Variants in ZFAT observed in about 807,000 individuals in gnomAD.
ZFAT encodes the protein zinc finger and AT-hook domain containing.
ZFAT carries 64 observed loss-of-function variants against 117.7 expected under a neutral mutation model. The ratio of observed to expected loss-of-function variants is 0.54; its 90% confidence interval spans 0.44 to 0.67. ZFAT has a LOEUF of 0.67. Ranked by LOEUF, ZFAT falls within the 30% of genes least tolerant of loss-of-function variation. The pLI is 0.00. For missense variants in ZFAT, 1,433 were observed against 1,584.5 expected (o/e 0.90, Z 1.62); for synonymous variants, 679 against 615.0 (o/e 1.10, Z -1.54).
chr8:134,509,798 A>G, intron 14 of ZFAT, 49 bp from the exon 15 acceptor site: 1 of 1,538,824 alleles, frequency 6.5e-7, no homozygotes. Context: ...CTGGTGCTGA[A>G]GGACATGGAA....
chr8:134,772,961 A>G, the ZFAT span, among the ~76,000 whole-genome samples: 8 of 152,126 alleles, frequency 5.3e-5, no homozygotes, highest in African/African-American at 1.9e-4. Flanking sequence ...GCATAGCAGC[A>G]TACACCTGTA....
At chr8:134,511,846 G>C (rs1240815184) in intron 14 of ZFAT, among the ~76,000 whole-genome samples, 3 of 152,130 alleles carry the variant, frequency 2.0e-5, no homozygotes, top group Non-Finnish European at 4.4e-5. Flanking sequence ...AATCCTGACT[G>C]GGCCTTTTGG....
intron 7 of ZFAT, among the ~76,000 whole-genome samples, chr8:134,596,285 G>A (rs1826925824): frequency 6.6e-6 from 1 of 152,176 alleles, no homozygotes. Context: ...CCACTTTCAG[G>A]TAAAGGGAAA....
intron 1 of ZFAT, chr8:134,674,985 A>C (rs1832724695): frequency 6.6e-6 from 1 of 152,322 alleles, no homozygotes; most frequent in South Asian, 2.1e-4. Context: ...TAGGTAAATC[A>C]ACGAAGATGT....
the ZFAT span, among the ~76,000 whole-genome samples, chr8:134,815,913 T>G: frequency 6.6e-6 from 1 of 152,234 alleles, no homozygotes; most frequent in Non-Finnish European, 1.5e-5. Flanking sequence ...ATTGTTTAGT[T>G]TATTCCTTTC....
chr8:134,789,600 C>G, the ZFAT span, among the ~76,000 whole-genome samples: 14 of 152,168 alleles, frequency 9.2e-5, no homozygotes, highest in African/African-American at 3.1e-4. Context: ...CTACAGCCAC[C>G]ATTTTTTGAT....
chr8:134,595,867 T>C (rs868602299), intron 7 of ZFAT, among the ~76,000 whole-genome samples: 1 of 152,200 alleles, frequency 6.6e-6, no homozygotes, highest in Non-Finnish European at 1.5e-5. Flanking sequence ...ACAGTCCTGA[T>C]GCAACTGGAA....
intron 1 of ZFAT, among the ~76,000 whole-genome samples, chr8:134,675,276 G>C (rs898219323): frequency 6.6e-6 from 1 of 152,132 alleles, no homozygotes; most frequent in Non-Finnish European, 1.5e-5. Flanking sequence ...TGATGGAGCT[G>C]AAAAACACAG....
At chr8:134,637,239 CCT>C (rs1218369876) in intron 3 of ZFAT, among the ~76,000 whole-genome samples, 1 of 152,244 alleles carries the variant, frequency 6.6e-6, no homozygotes, top group Non-Finnish European at 1.5e-5. Flanking sequence ...AAAGCAGTCC[CCT>C]GACCTGCATG....
chr8:134,519,631 G>T (rs532132644), intron 13 of ZFAT, among the ~76,000 whole-genome samples: 4 of 152,248 alleles, frequency 2.6e-5, no homozygotes, highest in African/African-American at 9.6e-5. Context: ...TATGTATAGA[G>T]AGATACTTTT....
intron 10 of ZFAT, among the ~76,000 whole-genome samples, chr8:134,582,800 TTAAAA>T (rs1825797593): frequency 6.6e-6 from 1 of 152,174 alleles, no homozygotes; most frequent in Non-Finnish European, 1.5e-5. Flanking sequence ...CAGAACAATC[TTAAAA>T]TAAAGATAGA....
intron 15 of ZFAT, among the ~76,000 whole-genome samples, chr8:134,491,141 G>A (rs1417954663): frequency 6.6e-6 from 1 of 152,212 alleles, no homozygotes; most frequent in East Asian, 1.9e-4. Flanking sequence ...ATGATGATCT[G>A]AACCTAGAAC....
the ZFAT span, among the ~76,000 whole-genome samples, chr8:134,816,706 C>T: frequency 6.6e-6 from 1 of 152,054 alleles, no homozygotes; most frequent in Non-Finnish European, 1.5e-5. Context: ...TACCACTGGC[C>T]AGGCACGGTG....
chr8:134,583,329 G>A (rs1051570587), intron 10 of ZFAT, among the ~76,000 whole-genome samples: 2 of 152,194 alleles, frequency 1.3e-5, no homozygotes, highest in African/African-American at 4.8e-5. Context: ...ATGAATGAAT[G>A]AAATTAGAAA....
At chr8:134,767,246 G>A in the ZFAT span, 1 of 152,172 alleles carries the variant, frequency 6.6e-6, no homozygotes, top group African/African-American at 2.4e-5. Flanking sequence ...CATGTGTTCA[G>A]CTTTATATGC....
chr8:134,636,605 C>T (rs1319952751), intron 3 of ZFAT, among the ~76,000 whole-genome samples: 2 of 152,302 alleles, frequency 1.3e-5, no homozygotes, highest in Admixed American at 6.5e-5. Context: ...AGAACTGCTT[C>T]CCACATAACA....
At chr8:134,582,859 A>G (rs1337037778) in intron 10 of ZFAT, among the ~76,000 whole-genome samples, 1 of 152,224 alleles carries the variant, frequency 6.6e-6, no homozygotes, top group Non-Finnish European at 1.5e-5. Flanking sequence ...ATTAAAAATC[A>G]CTGTTGAAAT....
intron 9 of ZFAT, among the ~76,000 whole-genome samples, chr8:134,584,210 C>T (rs1299641606): frequency 3.3e-5 from 5 of 152,190 alleles, no homozygotes; most frequent in South Asian, 2.1e-4. Flanking sequence ...GCTATGCCTT[C>T]GTCCTGGGAT....
chr8:134,600,322 C>G, intron 7 of ZFAT, 114 bp downstream of exon 7: 1 of 959,570 alleles, frequency 1.0e-6, no homozygotes, highest in Middle Eastern at 2.1e-4. Flanking sequence ...GGAGAAGGAT[C>G]TCTCTATGTT....
Sources: gnomAD v4.1 joint callset for allele counts (sites outside exome capture counted in the v4.1 genomes callset) on GRCh38, gnomAD v4.1.1 for gene constraint, MANE v1.5 for transcripts, NCBI Gene and HGNC (gene_info 2026-07-23, HGNC 2026-07-21) for gene names.